The following SYNE1 variants were observed in gnomAD, a reference collection of about 807,000 sequenced individuals.
SYNE1 encodes the protein spectrin repeat containing nuclear envelope protein 1, also known as nesprin-1.
SYNE1 carries 616 observed loss-of-function variants against 1,111.0 expected under a neutral mutation model. That is an observed-to-expected ratio of 0.55 (90% confidence interval 0.52 to 0.59). SYNE1 has a LOEUF of 0.59. Ranked by LOEUF, SYNE1 falls within the 20% of genes least tolerant of loss-of-function variation. The probability of loss-of-function intolerance (pLI) is 0.00; values close to 1 mark genes in which losing one functional copy is unlikely to be tolerated. For synonymous variants in SYNE1, 3,855 were observed against 3,825.8 expected (o/e 1.01, Z -0.28); for missense variants, 10,006 against 10,417.0 (o/e 0.96, Z 1.72).
chr6:152,496,686 T>A (rs1245577713), intron 11 of SYNE1, among the ~76,000 whole-genome samples: 8 of 151,882 alleles, frequency 5.3e-5, no homozygotes, highest in Admixed American at 2.0e-4. Context: ...CCCCACAAAT[T>A]TTCAATGCCC....
At chr6:152,450,484 T>C in intron 27 of SYNE1, 141 bp downstream of exon 27, 1 of 909,368 alleles carries the variant, frequency 1.1e-6, no homozygotes. Context: ...CTAAAATCCA[T>C]TCCTTTTATT....
chr6:152,434,106 G>C, intron 33 of SYNE1, 161 bp from the exon 34 acceptor site: 1 of 657,422 alleles, frequency 1.5e-6, no homozygotes, highest in Non-Finnish European at 2.6e-6. Flanking sequence ...GTTGTTCTGA[G>C]TAGTTTATCA....
At chr6:152,185,812 T>C (rs1475570203) in intron 128 of SYNE1, among the ~76,000 whole-genome samples, 1 of 152,234 alleles carries the variant, frequency 6.6e-6, no homozygotes. Context: ...GAGAACAATT[T>C]TACAACATAT....
At chr6:152,371,441 G>A (rs1185483259) in intron 59 of SYNE1, among the ~76,000 whole-genome samples, 1 of 151,464 alleles carries the variant, frequency 6.6e-6, no homozygotes, top group Non-Finnish European at 1.5e-5. Flanking sequence ...AGAATTGTGA[G>A]TCAATTCAAC....
intron 42 of SYNE1, among the ~76,000 whole-genome samples, chr6:152,409,965 A>G (rs2154170778): frequency 6.6e-6 from 1 of 152,358 alleles, no homozygotes; most frequent in Non-Finnish European, 1.5e-5. Flanking sequence ...AAAATCTATG[A>G]ACTCAATGAC....
At chr6:152,551,591 G>T (rs2099347140) in intron 3 of SYNE1, among the ~76,000 whole-genome samples, 1 of 152,074 alleles carries the variant, frequency 6.6e-6, no homozygotes, top group African/African-American at 2.4e-5. Flanking sequence ...TAAATGCAAA[G>T]AAAAGTTCAG....
At chr6:152,603,420 G>A (rs566454903) in intron 3 of SYNE1, among the ~76,000 whole-genome samples, 1 of 152,106 alleles carries the variant, frequency 6.6e-6, no homozygotes, top group East Asian at 1.9e-4. Context: ...GCTATGGACT[G>A]TTCTGTCCTT....
chr6:152,283,981 C>G lies in SYNE1; in HGVS notation c.18204G>C (p.Leu6068Phe), dbSNP rs138039375. 1.7e-4 allele frequency: 268 copies of G among 1,614,052 alleles called. No individual in the cohort carries two copies. The African/African-American group carries it at 3.2e-3, about 19-fold the overall frequency. Residue 6068 changes from leucine to phenylalanine, a missense_variant, in exon 96 of 146, where the codon TTG becomes TTC. By Grantham distance (22) the Leu-to-Phe change is conservative. Transcript: ENST00000367255. Reference sequence around the variant, plus strand: ...CCACTTTACAGTTATTGGTTACCTCCAAAAGCTGCCGTTTCCCCGAGGCTT... The same window carrying G: ...CCACTTTACAGTTATTGGTTACCTCGAAAAGCTGCCGTTTCCCCGAGGCTT... ...RMKASGKRQLLEEKLNDQLEE... is the reference protein window; with the variant it reads ...RMKASGKRQLFEEKLNDQLEE...
rs1421837043 is a variant in SYNE1, at chr6:152,236,101, T to C, written c.20396+6A>G. 7 of 1,613,656 alleles carry C rather than the reference T, an allele frequency of 4.3e-6. No individual in the cohort carries two copies. The highest frequency in any genetic ancestry group is 2.2e-5 in the East Asian group (1 of 44,872). ...CTAAAAATATACAAAACAGTCATTGTATTACCTGGTCCAGTGTTTCAATAT... is the reference window on the plus strand; with the variant it reads ...CTAAAAATATACAAAACAGTCATTGCATTACCTGGTCCAGTGTTTCAATAT... On this transcript the variant is annotated splice_donor_region_variant and intron_variant, in intron 110 of 145. Transcript: ENST00000367255.
chr6:152,221,762 G>A (rs572499852), intron 117 of SYNE1, among the ~76,000 whole-genome samples: 1 of 152,310 alleles, frequency 6.6e-6, no homozygotes, highest in African/African-American at 2.4e-5. Context: ...GCTATGAGAA[G>A]AGGTTCTGAG....
Position 152,427,352 on chromosome 6 carries a change from A to G in SYNE1, c.5100+341T>C, listed in dbSNP as rs181263581. On this transcript the variant is annotated intron_variant, in intron 38 of 145. Transcript: ENST00000367255. ...ATTATACCTATTTCCAGCCTCAGAA[A>G]TTATGAACTGATAGCCAACCTCTTT... Among the ~76,000 whole-genome samples, 101 of 152,352 alleles carry G rather than the reference A, an allele frequency of 6.6e-4. No individual in the cohort carries two copies. In the Middle Eastern group the frequency reaches 0.024, roughly 36 times the overall value.
At chr6:152,370,907 T>C (rs1195729248) in intron 59 of SYNE1, among the ~76,000 whole-genome samples, 1 of 152,174 alleles carries the variant, frequency 6.6e-6, no homozygotes, top group Non-Finnish European at 1.5e-5. Context: ...GCTGTAAGAA[T>C]CATTTGAAAA....
chr6:152,216,506 C>A (rs372607270), intron 121 of SYNE1, among the ~76,000 whole-genome samples: 2 of 151,936 alleles, frequency 1.3e-5, no homozygotes, highest in Non-Finnish European at 2.9e-5. Flanking sequence ...AGTGAGCTGA[C>A]GAGGACAAGA....
At chr6:152,275,966 T>G (rs1348211581) in intron 98 of SYNE1, among the ~76,000 whole-genome samples, 1 of 151,320 alleles carries the variant, frequency 6.6e-6, no homozygotes, top group East Asian at 1.9e-4. Context: ...AAATTTTATA[T>G]GGGATATTAC....
chr6:152,526,197 A>G lies in SYNE1; in HGVS notation c.130-22T>C, dbSNP rs781721458. The G allele has an allele frequency of 2.1e-5, 33 of 1,603,690 alleles. No individual in the cohort carries two copies. In the East Asian group the frequency reaches 7.1e-4, roughly 35 times the overall value. The stretch of plus-strand genomic sequence containing the variant: ...TCCGCTGTAAAAGCAAAGAGGAATA[A>G]GTGCAGAAAATATCTCTTCCCTCTC... On this transcript the variant is annotated intron_variant, in intron 4 of 145. Coordinates refer to ENST00000367255, the MANE Select transcript of SYNE1 (RefSeq NM_182961.4).
intron 34 of SYNE1, chr6:152,433,518 A>G: frequency 2.2e-6 from 1 of 455,120 alleles, no homozygotes; most frequent in East Asian, 4.1e-5. Context: ...AAAATCAAGG[A>G]AAAGAATTAA....
chr6:152,163,456 A>T (rs1487319146), intron 131 of SYNE1, among the ~76,000 whole-genome samples: 3 of 149,550 alleles, frequency 2.0e-5, no homozygotes, highest in Non-Finnish European at 4.4e-5. Context: ...CTGAGATCGC[A>T]CTACTACACT....
intron 2 of SYNE1, 30 bp from the exon 3 acceptor site, chr6:152,628,584 T>TAA (rs200005134): frequency 2.7e-4 from 125 of 469,808 alleles, no homozygotes; most frequent in East Asian, 9.9e-4. Context: ...AGGTACAACA[T>TAA]AAAAAAAAAA....
chr6:152,321,169 A>C lies in SYNE1; in HGVS notation c.16236+69T>G. ...AGAAGACATTATTGTGAAAATCAAG[A>C]ACTCTCACACAAGAGGACTGACCCT... On this transcript the variant is annotated intron_variant, in intron 84 of 145. Coordinates refer to ENST00000367255, the MANE Select transcript of SYNE1 (RefSeq NM_182961.4). 3.2e-6 allele frequency: 5 copies of C among 1,552,200 alleles called. No homozygotes were observed. The South Asian group carries it at 5.8e-5, about 18-fold the overall frequency.
Sources: gnomAD v4.1 joint callset for allele counts (sites outside exome capture counted in the v4.1 genomes callset) on GRCh38, gnomAD v4.1.1 for gene constraint, MANE v1.5 for transcripts, NCBI Gene and HGNC (gene_info 2026-07-23, HGNC 2026-07-21) for gene names.